CACNB2: variants seen among roughly 807,000 people sequenced by gnomAD.
CACNB2 encodes calcium voltage-gated channel auxiliary subunit beta 2.
Under a neutral mutation model 73.3 loss-of-function variants are expected in CACNB2, and 42 were observed. The ratio of observed to expected loss-of-function variants is 0.57; its 90% CI spans 0.45 to 0.74. CACNB2 has a LOEUF of 0.74. Ranked by LOEUF, CACNB2 falls within the 30% of genes least tolerant of loss-of-function variation. CACNB2 has a pLI of 0.00. For missense variants in CACNB2, 940 were observed against 853.0 expected, an observed-to-expected ratio of 1.10 and a Z score of -1.27; for synonymous variants, 348 against 310.3, an observed-to-expected ratio of 1.12 and a Z score of -1.28.
chr10:18,331,708 A>T (rs1236484364), intron 2 of CACNB2, among the ~76,000 whole-genome samples: 1 of 152,132 alleles, frequency 6.6e-6, no homozygotes, highest in East Asian at 1.9e-4. Context: ...GAAGACTCAG[A>T]GTCTCAGGCC....
intron 7 of CACNB2, among the ~76,000 whole-genome samples, chr10:18,516,910 A>T (rs548181011): frequency 1.3e-3 from 195 of 152,294 alleles, no homozygotes; most frequent in African/African-American, 4.2e-3. Flanking sequence ...GTGAAATTTG[A>T]CAGCACAGTC....
At chr10:18,538,427 G>T (rs778734607) in intron 13 of CACNB2, 62 bp downstream of exon 13, 134 of 1,473,430 alleles carry the variant, frequency 9.1e-5, no homozygotes, top group Non-Finnish European at 1.2e-4. Flanking sequence ...GTTGCCTATG[G>T]TGACACCTCT....
chr10:18,408,599 C>T (rs1022169778), intron 3 of CACNB2, among the ~76,000 whole-genome samples: 4 of 152,064 alleles, frequency 2.6e-5, no homozygotes, highest in Admixed American at 2.6e-4. Flanking sequence ...TGTTGAAAAT[C>T]TCTTACAAAC....
At chr10:18,263,339 G>T (rs547603255) in intron 2 of CACNB2, among the ~76,000 whole-genome samples, 4 of 152,286 alleles carry the variant, frequency 2.6e-5, no homozygotes, top group Admixed American at 2.6e-4. Context: ...AGACCCCTAT[G>T]TGGTACTGGT....
chr10:18,248,876 G>T (rs2036975121), intron 2 of CACNB2, among the ~76,000 whole-genome samples: 1 of 152,070 alleles, frequency 6.6e-6, no homozygotes, highest in Admixed American at 6.6e-5. Context: ...GCCTAAACCT[G>T]ACTCTCATTC....
At chr10:18,475,752 G>A (rs2048409472) in intron 3 of CACNB2, among the ~76,000 whole-genome samples, 1 of 152,154 alleles carries the variant, frequency 6.6e-6, no homozygotes, top group Non-Finnish European at 1.5e-5. Context: ...CCCTGTGCCA[G>A]GCACTGTGCT....
chr10:18,388,254 G>A (rs1394346116), intron 2 of CACNB2, among the ~76,000 whole-genome samples: 2 of 152,118 alleles, frequency 1.3e-5, no homozygotes, highest in African/African-American at 4.8e-5. Context: ...TTGACCAATG[G>A]TATATGTCCA....
chr10:18,453,708 C>A (rs2047127318), intron 3 of CACNB2, among the ~76,000 whole-genome samples: 1 of 152,244 alleles, frequency 6.6e-6, no homozygotes, highest in South Asian at 2.1e-4. Flanking sequence ...CGGCTGGCTG[C>A]AACCTCTGCC....
At chr10:18,491,668 G>A (rs750985969) in intron 3 of CACNB2, among the ~76,000 whole-genome samples, 18 of 152,040 alleles carry the variant, frequency 1.2e-4, no homozygotes, top group African/African-American at 1.7e-4. Context: ...ATGGTAAGAG[G>A]AAAGAGTTCC....
chr10:18,140,591 G>A lies in CACNB2; in HGVS notation c.-146G>A, dbSNP rs563772925. ...CTGGCAGCAGGGCGCCGAGTCCCGGGGCGCTGCGGGGCGCTGCGCCGAGAA... is the reference window on the plus strand; with the variant it reads ...CTGGCAGCAGGGCGCCGAGTCCCGGAGCGCTGCGGGGCGCTGCGCCGAGAA... On this transcript the variant is annotated 5_prime_UTR_variant, in exon 1 of 14. Transcript: ENST00000324631. 6.6e-5 allele frequency: 35 copies of A among 533,146 alleles called. No individual in the cohort carries two copies. The African/African-American group carries it at 6.9e-4, about 10-fold the overall frequency. 33.0% of individuals were successfully genotyped at this position (533,146 alleles called of 1,614,324 possible).
At chr10:18,514,544 G>A in intron 7 of CACNB2, 175 bp downstream of exon 7, 1 of 1,613,530 alleles carries the variant, frequency 6.2e-7, no homozygotes, top group South Asian at 1.1e-5. Context: ...AGTTTACATT[G>A]ACATAAGCTG....
At chr10:18,306,217 C>T (rs1392296831) in intron 2 of CACNB2, among the ~76,000 whole-genome samples, 1 of 152,044 alleles carries the variant, frequency 6.6e-6, no homozygotes, top group Non-Finnish European at 1.5e-5. Flanking sequence ...AAAGTAGAAA[C>T]AAGCAAATAT....
chr10:18,165,415 A>G (rs570291683), intron 2 of CACNB2, among the ~76,000 whole-genome samples: 7 of 152,240 alleles, frequency 4.6e-5, no homozygotes, highest in Non-Finnish European at 7.3e-5. Context: ...CTCTTTTGGA[A>G]GAAGGCACAG....
At chr10:18,161,755 C>G (rs1315495230) in intron 2 of CACNB2, among the ~76,000 whole-genome samples, 8 of 151,754 alleles carry the variant, frequency 5.3e-5, no homozygotes, top group Admixed American at 3.9e-4. Context: ...GAAACCCTGT[C>G]TCTACTAAAA....
chr10:18,383,608 G>A (rs573243651), intron 2 of CACNB2, among the ~76,000 whole-genome samples: 18 of 152,312 alleles, frequency 1.2e-4, no homozygotes, highest in African/African-American at 2.4e-4. Flanking sequence ...TATTAGCAGC[G>A]AGGGGTAAAC....
At chr10:18,472,438 T>C (rs1369477568) in intron 3 of CACNB2, among the ~76,000 whole-genome samples, 1 of 152,172 alleles carries the variant, frequency 6.6e-6, no homozygotes, top group Non-Finnish European at 1.5e-5. Context: ...GGTTTCACCA[T>C]GTTGGCCAGG....
intron 7 of CACNB2, among the ~76,000 whole-genome samples, chr10:18,516,859 C>T (rs2051334566): frequency 6.6e-6 from 1 of 150,644 alleles, no homozygotes; most frequent in Non-Finnish European, 1.5e-5. Context: ...TTGATTGTGT[C>T]AATTAAAATT....
chr10:18,541,625 C>G lies in CACNB2; in HGVS notation c.*1901C>G, dbSNP rs887204821. On this transcript the variant is annotated 3_prime_UTR_variant, in exon 14 of 14. Transcript: ENST00000324631. ...CCTGTAATCCCAGCAATTTGGGAGG[C>G]TGAGGAGGGTGGATCACCTGAGGTC... 2 of 152,172 alleles carry G rather than the reference C, an allele frequency of 1.3e-5. No individual in the cohort carries two copies. The highest frequency in any genetic ancestry group is 2.4e-5 in the African/African-American group (1 of 41,428). 9.4% of individuals were successfully genotyped at this position (152,172 alleles called of 1,614,324 possible). A position where few individuals can be genotyped will look rare whatever the true frequency, so the allele number is the denominator to read the frequency against.
chr10:18,516,493 A>G (rs1009705677), intron 7 of CACNB2, among the ~76,000 whole-genome samples: 5 of 152,222 alleles, frequency 3.3e-5, no homozygotes, highest in Admixed American at 6.5e-5. Context: ...GCTGTTACTA[A>G]AATGCAGGAA....
Sources: gnomAD v4.1 joint callset for allele counts (sites outside exome capture counted in the v4.1 genomes callset) on GRCh38, gnomAD v4.1.1 for gene constraint, MANE v1.5 for transcripts, NCBI Gene and HGNC (gene_info 2026-07-23, HGNC 2026-07-21) for gene names.